The following NDUFA5 variants were observed in gnomAD, a reference collection of about 807,000 sequenced individuals.
The protein encoded by NDUFA5 is NADH dehydrogenase [ubiquinone] 1 alpha subcomplex subunit 5.
NDUFA5 carries 11 observed loss-of-function variants against 19.8 expected under a neutral mutation model. The observed-to-expected ratio is 0.56, with a 90% CI of 0.35 to 0.92. NDUFA5 has a LOEUF of 0.92. Among genes scored for constraint, NDUFA5 ranks in the 40% least tolerant of loss-of-function variants. The pLI is 0.01. For missense variants in NDUFA5, 109 were observed against 134.2 expected (o/e 0.81, Z 0.93); for synonymous variants, 47 against 46.8 (o/e 1.00, Z -0.01).
At chr7:123,592,414 G>C in the NDUFA5 span, among the ~76,000 whole-genome samples, 4 of 152,030 alleles carry the variant, frequency 2.6e-5, no homozygotes. Context: ...TTTCTCTTGT[G>C]GGCATTTAGT....
chr7:123,566,221 C>T, the NDUFA5 span, among the ~76,000 whole-genome samples: 1 of 152,190 alleles, frequency 6.6e-6, no homozygotes, highest in East Asian at 1.9e-4. Flanking sequence ...GATGCATCTA[C>T]AAGCCAAGGA....
intron 4 of NDUFA5, among the ~76,000 whole-genome samples, chr7:123,543,601 T>TA (rs954370785): frequency 2.6e-5 from 4 of 152,046 alleles, no homozygotes; most frequent in Non-Finnish European, 5.9e-5. Flanking sequence ...TATACTGAGT[T>TA]AAAAAAATAC....
Position 123,540,092 on chromosome 7 carries a change from G to A in NDUFA5, c.*2027C>T, listed in dbSNP as rs1209737545. On this transcript the variant is annotated 3_prime_UTR_variant, in exon 5 of 5. Coordinates refer to ENST00000355749, the MANE Select transcript of NDUFA5 (RefSeq NM_005000.5). ...CCCCAAGGCCCCAAGTTGCATAATTGCAGGGGAAAACTACTCACGTAGGGT... is the reference window on the plus strand; with the variant it reads ...CCCCAAGGCCCCAAGTTGCATAATTACAGGGGAAAACTACTCACGTAGGGT... 6.6e-6 allele frequency: 1 copy of A among 152,158 alleles called. No homozygotes were observed. Among genetic ancestry groups the A allele is most frequent in the Admixed American group, 6.6e-5 (1 of 15,264 alleles). The allele number at this position is 152,158 out of a possible 1,614,324, so 9.4% of individuals were successfully genotyped here.
intron 2 of NDUFA5, among the ~76,000 whole-genome samples, chr7:123,553,424 C>T (rs1027880684): frequency 2.0e-5 from 3 of 152,194 alleles, no homozygotes; most frequent in South Asian, 2.1e-4. Context: ...TGGGAAAAAC[C>T]CACCCCATGA....
chr7:123,585,551 T>C, the NDUFA5 span, among the ~76,000 whole-genome samples: 1 of 151,812 alleles, frequency 6.6e-6, no homozygotes, highest in Admixed American at 6.6e-5. Context: ...TGCTGCAATG[T>C]GATTGTTTGA....
rs1168425589 is a variant in NDUFA5, at chr7:123,540,770, A to T, written c.*1349T>A. 1 of 152,040 alleles carries T rather than the reference A, an allele frequency of 6.6e-6. No homozygotes were observed. Among genetic ancestry groups the T allele is most frequent in the Non-Finnish European group, 1.5e-5 (1 of 68,012 alleles). The allele number at this position is 152,040 out of a possible 1,614,324, so 9.4% of individuals were successfully genotyped here. On this transcript the variant is annotated 3_prime_UTR_variant, in exon 5 of 5. Coordinates refer to ENST00000355749, the MANE Select transcript of NDUFA5 (RefSeq NM_005000.5). ...CCTTCTTGCACTCTAACCTCTAAGAATCCACCTTATTTAATATTTATTTAG... is the reference window on the plus strand; with the variant it reads ...CCTTCTTGCACTCTAACCTCTAAGATTCCACCTTATTTAATATTTATTTAG...
chr7:123,566,085 T>A, the NDUFA5 span, among the ~76,000 whole-genome samples: 1 of 152,014 alleles, frequency 6.6e-6, no homozygotes, highest in Non-Finnish European at 1.5e-5. Flanking sequence ...GTAATCAAGT[T>A]AAGATGAGGT....
the NDUFA5 span, among the ~76,000 whole-genome samples, chr7:123,593,755 T>C: frequency 6.6e-6 from 1 of 152,108 alleles, no homozygotes; most frequent in Non-Finnish European, 1.5e-5. Flanking sequence ...CACTTATGTG[T>C]CTTGGGGTTG....
At chr7:123,542,798 A>G (rs1797986957) in intron 4 of NDUFA5, among the ~76,000 whole-genome samples, 1 of 152,152 alleles carries the variant, frequency 6.6e-6, no homozygotes, top group African/African-American at 2.4e-5. Flanking sequence ...TATAATTAAT[A>G]TTTACTAACT....
At chr7:123,557,331 T>C in intron 2 of NDUFA5, 73 bp downstream of exon 2, 3 of 1,600,428 alleles carry the variant, frequency 1.9e-6, no homozygotes, top group East Asian at 2.3e-5. Context: ...CCGTTAACCC[T>C]GCAATAAGCA....
chr7:123,598,284 G>C, the NDUFA5 span, among the ~76,000 whole-genome samples: 12 of 151,986 alleles, frequency 7.9e-5, no homozygotes, highest in African/African-American at 2.7e-4. Flanking sequence ...CCCTTATTTT[G>C]ATAACAATGA....
At chr7:123,546,088 C>A (rs1798121974) in intron 3 of NDUFA5, among the ~76,000 whole-genome samples, 1 of 152,040 alleles carries the variant, frequency 6.6e-6, no homozygotes, top group Admixed American at 6.6e-5. Flanking sequence ...TTTTAAAAAA[C>A]ATGTTTGAGA....
chr7:123,545,483 A>G (rs1584689065), intron 4 of NDUFA5, 128 bp downstream of exon 4: 3 of 701,002 alleles, frequency 4.3e-6, no homozygotes, highest in East Asian at 2.7e-5. Context: ...CACATTTTCT[A>G]TATGTGATTA....
At chr7:123,600,957 G>T in the NDUFA5 span, among the ~76,000 whole-genome samples, 4 of 152,232 alleles carry the variant, frequency 2.6e-5, no homozygotes, top group Non-Finnish European at 5.9e-5. Flanking sequence ...TCCAATGAGG[G>T]TTTGTAAAAT....
chr7:123,601,608 C>G, the NDUFA5 span, among the ~76,000 whole-genome samples: 59 of 152,280 alleles, frequency 3.9e-4, no homozygotes, highest in African/African-American at 1.2e-3. Flanking sequence ...GCAACACTCC[C>G]TGCAGCTGAA....
At chr7:123,599,507 TC>T in the NDUFA5 span, among the ~76,000 whole-genome samples, 1 of 152,204 alleles carries the variant, frequency 6.6e-6, no homozygotes, top group Admixed American at 6.5e-5. Context: ...ACACTCTTTT[TC>T]AGGAAGAAAG....
At chr7:123,551,475 C>T (rs909342434) in intron 2 of NDUFA5, 83 of 854,522 alleles carry the variant, frequency 9.7e-5, no homozygotes, top group Non-Finnish European at 1.2e-4. Context: ...TCCCAAAGTG[C>T]TGGGATTACA....
chr7:123,549,896 G>T (rs1798270659), intron 3 of NDUFA5, among the ~76,000 whole-genome samples: 2 of 152,180 alleles, frequency 1.3e-5, no homozygotes, highest in African/African-American at 2.4e-5. Context: ...AAATATATGT[G>T]ACTAGGATCA....
At chr7:123,589,358 A>G in the NDUFA5 span, among the ~76,000 whole-genome samples, 1 of 151,024 alleles carries the variant, frequency 6.6e-6, no homozygotes, top group Non-Finnish European at 1.5e-5. Flanking sequence ...TCAAGGGTAC[A>G]TATGCACAAT....
Sources: gnomAD v4.1 joint callset for allele counts (sites outside exome capture counted in the v4.1 genomes callset) on GRCh38, gnomAD v4.1.1 for gene constraint, MANE v1.5 for transcripts, NCBI Gene and HGNC (gene_info 2026-07-23, HGNC 2026-07-21) for gene names.